The following EYS variants were observed in gnomAD, a reference collection of about 807,000 sequenced individuals.
The protein encoded by EYS is EGF-like photoreceptor maintenance factor.
In EYS, 250 loss-of-function variants were observed where a neutral mutation model predicts 282.1. The observed-to-expected ratio is 0.89, with a 90% CI of 0.80 to 0.98. The LOEUF is 0.98. EYS is among the 50% of genes least tolerant of loss of function. EYS has a pLI of 0.00. For missense variants in EYS, 4,016 were observed against 3,709.0 expected, an observed-to-expected ratio of 1.08 and a Z score of -2.15; for synonymous variants, 1,355 against 1,282.9, an observed-to-expected ratio of 1.06 and a Z score of -1.20.
chr6:64,913,650 TCCACC>T (rs1386258220), intron 15 of EYS, among the ~76,000 whole-genome samples: 15 of 152,256 alleles, frequency 9.9e-5, no homozygotes, highest in South Asian at 6.2e-4. Context: ...CTTTATCCAG[TCCACC>T]GTTGATAGAC....
At chr6:64,941,645 A>G (rs2150093245) in intron 15 of EYS, among the ~76,000 whole-genome samples, 1 of 152,084 alleles carries the variant, frequency 6.6e-6, no homozygotes, top group African/African-American at 2.4e-5. Flanking sequence ...AGTGTTTATT[A>G]CTGCCCTCTT....
intron 36 of EYS, among the ~76,000 whole-genome samples, chr6:63,863,341 C>T (rs1240810240): frequency 6.6e-6 from 1 of 152,016 alleles, no homozygotes; most frequent in African/African-American, 2.4e-5. Context: ...CATCTTGCAG[C>T]TTTTTGTAAT....
intron 31 of EYS, among the ~76,000 whole-genome samples, chr6:64,172,670 T>C (rs1224288494): frequency 1.3e-5 from 2 of 152,184 alleles, no homozygotes; most frequent in African/African-American, 2.4e-5. Context: ...TAACAGGTCA[T>C]GGACCAGTAC....
intron 11 of EYS, among the ~76,000 whole-genome samples, chr6:65,311,065 A>C: frequency 6.6e-6 from 1 of 151,742 alleles, no homozygotes. Flanking sequence ...ATAAAATATT[A>C]TTTTTTGAGG....
chr6:63,894,911 A>T (rs961557470), intron 35 of EYS, among the ~76,000 whole-genome samples: 3 of 152,022 alleles, frequency 2.0e-5, no homozygotes, highest in Non-Finnish European at 4.4e-5. Context: ...TAAGCCACTC[A>T]GTTTGTGGTA....
chr6:65,194,411 A>C (rs546358004), intron 12 of EYS, among the ~76,000 whole-genome samples: 2 of 152,034 alleles, frequency 1.3e-5, no homozygotes, highest in East Asian at 1.9e-4. Flanking sequence ...TGTTAAATTT[A>C]AGTTTTAAAA....
chr6:63,838,127 C>T (rs1200580117), intron 36 of EYS, among the ~76,000 whole-genome samples: 1 of 151,908 alleles, frequency 6.6e-6, no homozygotes, highest in Non-Finnish European at 1.5e-5. Context: ...ATGTTTACAT[C>T]TTATGTATTT....
intron 14 of EYS, among the ~76,000 whole-genome samples, chr6:64,957,624 A>G (rs750906108): frequency 6.6e-6 from 1 of 152,248 alleles, no homozygotes; most frequent in Non-Finnish European, 1.5e-5. Context: ...AACACAACAG[A>G]TGAATGCTTG....
At chr6:65,060,591 T>C (rs887165960) in intron 12 of EYS, among the ~76,000 whole-genome samples, 1 of 151,916 alleles carries the variant, frequency 6.6e-6, no homozygotes, top group Admixed American at 6.6e-5. Flanking sequence ...AATGAATTTT[T>C]AAATGCCTGT....
chr6:65,613,859 T>G (rs1766089904), intron 2 of EYS, among the ~76,000 whole-genome samples: 1 of 151,956 alleles, frequency 6.6e-6, no homozygotes, highest in South Asian at 2.1e-4. Context: ...AAACCTAATT[T>G]TTTTATGTTT....
intron 12 of EYS, among the ~76,000 whole-genome samples, chr6:65,226,392 T>C (rs1766627145): frequency 2.6e-5 from 4 of 151,770 alleles, no homozygotes; most frequent in Admixed American, 2.6e-4. Flanking sequence ...ACTAAATAAA[T>C]GAAAATACAT....
chr6:64,577,982 T>C (rs76557426), intron 26 of EYS, among the ~76,000 whole-genome samples: 15,762 of 152,124 alleles, frequency 0.1, 914 homozygotes, highest in Non-Finnish European at 0.13. Context: ...TTACATTGAC[T>C]CAACCTTCAA....
chr6:65,392,817 A>C (rs1302067631), intron 7 of EYS, among the ~76,000 whole-genome samples: 2 of 151,256 alleles, frequency 1.3e-5, no homozygotes, highest in African/African-American at 4.8e-5. Flanking sequence ...CCATCCCATT[A>C]CTGGGTATAT....
In EYS at chr6:65,707,117, G is replaced by A. The variant is rs561553583; in HGVS notation, c.-448+18C>T. 1 of 152,174 alleles carries A rather than the reference G, an allele frequency of 6.6e-6. No homozygotes were observed. Among genetic ancestry groups the A allele is most frequent in the African/African-American group, 2.4e-5 (1 of 41,526 alleles). 9.4% of individuals were successfully genotyped at this position (152,174 alleles called of 1,614,324 possible). A position where few individuals can be genotyped will look rare whatever the true frequency, so the allele number is the denominator to read the frequency against. On this transcript the variant is annotated intron_variant, in intron 1 of 42. Coordinates refer to ENST00000503581, the MANE Select transcript of EYS (RefSeq NM_001142800.2). ...GTAATAGAAAAATAATTTCTAGGTG[G>A]AATCAAGTATAACTTACCCCAACCA...
intron 15 of EYS, among the ~76,000 whole-genome samples, chr6:64,913,129 C>T (rs1443311057): frequency 6.6e-6 from 1 of 152,038 alleles, no homozygotes; most frequent in Non-Finnish European, 1.5e-5. Flanking sequence ...ATTCAGCGTC[C>T]TTAGCAATAT....
chr6:64,068,116 C>A lies in EYS; in HGVS notation c.6572-1625G>T, dbSNP rs141672217. ...TATTTAACACTTTACCAGCAGCATACAAGAGTTCCAGCTGATCCATAGCCT... is the reference window on the plus strand; with the variant it reads ...TATTTAACACTTTACCAGCAGCATAAAAGAGTTCCAGCTGATCCATAGCCT... On this transcript the variant is annotated intron_variant, in intron 32 of 42. Transcript: ENST00000503581. 3.3e-5 allele frequency among the ~76,000 whole-genome samples: 5 copies of A among 152,208 alleles called. No individual in the cohort carries two copies. In the East Asian group the frequency reaches 7.7e-4, roughly 24 times the overall value.
rs1375523355 is a variant in EYS at position 64,950,792 on chromosome 6, CATATACAT to C, written c.2260-4886_2260-4879del. On this transcript the variant is annotated intron_variant, in intron 14 of 42. Transcript: ENST00000503581. ...TGAATAAAAAATATATACACATATA[CATATACAT>C]ATATATATATATATATATATATATA... 4.3e-3 allele frequency among the ~76,000 whole-genome samples: 260 copies of C among 60,898 alleles called. 1 individual carries two copies. The highest frequency in any genetic ancestry group is 0.034 in the Middle Eastern group (4 of 116). The allele number at this position is 60,898 out of a possible 152,430, so 40.0% of individuals were successfully genotyped here.
chr6:64,347,439 T>G (rs963128470), intron 29 of EYS, among the ~76,000 whole-genome samples: 3 of 151,426 alleles, frequency 2.0e-5, no homozygotes, highest in African/African-American at 7.3e-5. Context: ...GAGGTATGTT[T>G]CCAAAAATCT....
intron 13 of EYS, among the ~76,000 whole-genome samples, chr6:65,051,643 T>C (rs1008046867): frequency 3.8e-4 from 57 of 151,634 alleles, no homozygotes; most frequent in African/African-American, 1.3e-3. Context: ...GCATCTTGAA[T>C]TAAATAAATT....
Sources: allele counts gnomAD v4.1 joint callset (sites outside exome capture counted in the v4.1 genomes callset), GRCh38; gene constraint gnomAD v4.1.1; transcripts MANE v1.5; gene names NCBI Gene and HGNC (gene_info 2026-07-23, HGNC 2026-07-21).